Variants in PSMA1 observed in about 807,000 individuals in gnomAD.
PSMA1 encodes the protein proteasome 20S subunit alpha 1, also known as proteasome subunit alpha type-1.
Under a neutral mutation model 38.4 loss-of-function variants are expected in PSMA1, and 3 were observed. The ratio of observed to expected loss-of-function variants is 0.08; its 90% confidence interval spans 0.04 to 0.20. The LOEUF is 0.20. Among genes scored for constraint, PSMA1 ranks in the 10% least tolerant of loss-of-function variants. The pLI is 1.00. For synonymous variants in PSMA1, 101 were observed against 107.1 expected (o/e 0.94, Z 0.35); for missense variants, 227 against 325.3 (o/e 0.70, Z 2.32).
chr11:14,572,616 A>G (rs1350499709), intron 2 of PSMA1, among the ~76,000 whole-genome samples: 2 of 152,234 alleles, frequency 1.3e-5, no homozygotes, highest in African/African-American at 2.4e-5. Context: ...TAGAGAAGCA[A>G]GAGCAAACAC....
upstream of PSMA1, chr11:14,520,473 T>A: frequency 4.0e-6 from 6 of 1,504,026 alleles, no homozygotes; most frequent in Non-Finnish European, 5.3e-6. Context: ...TCCCCCTCCT[T>A]AAAACTTTCC....
chr11:14,638,280 G>C (rs1853135834), intron 1 of PSMA1, among the ~76,000 whole-genome samples: 1 of 151,936 alleles, frequency 6.6e-6, no homozygotes, highest in African/African-American at 2.4e-5. Flanking sequence ...CACACACGAA[G>C]TCACATTATT....
intron 2 of PSMA1, among the ~76,000 whole-genome samples, chr11:14,559,664 G>T (rs1243504083): frequency 2.0e-5 from 3 of 152,218 alleles, no homozygotes; most frequent in African/African-American, 7.2e-5. Context: ...TGTCCATGCT[G>T]CTGGTGAGGT....
intron 2 of PSMA1, among the ~76,000 whole-genome samples, chr11:14,582,266 C>T (rs1230481016): frequency 6.6e-6 from 1 of 152,054 alleles, no homozygotes; most frequent in Non-Finnish European, 1.5e-5. Context: ...AGGTTCTTTA[C>T]TTCTTAGATC....
intron 2 of PSMA1, among the ~76,000 whole-genome samples, chr11:14,584,379 A>G (rs894047834): frequency 1.4e-4 from 21 of 152,046 alleles, no homozygotes; most frequent in African/African-American, 4.4e-4. Context: ...AATATTTCAC[A>G]TATTTCCCTT....
chr11:14,505,115 G>T lies in PSMA1; in HGVS notation c.*77C>A. On this transcript the variant is annotated 3_prime_UTR_variant, in exon 10 of 10. Transcript: ENST00000396394. ...ACCACTCTGCAACTTTTGGTTCAAAGTATAGATTATTGTCATCAGTATGTG... is the reference window on the plus strand; with the variant it reads ...ACCACTCTGCAACTTTTGGTTCAAATTATAGATTATTGTCATCAGTATGTG... The T allele has an allele frequency of 7.4e-7, 1 of 1,352,068 alleles. No individual in the cohort carries two copies. Among genetic ancestry groups the T allele is most frequent in the Non-Finnish European group, 1.1e-6 (1 of 943,908 alleles). 83.8% of individuals were successfully genotyped at this position (1,352,068 alleles called of 1,614,324 possible). A position where few individuals can be genotyped will look rare whatever the true frequency, so the allele number is the denominator to read the frequency against.
intron 1 of PSMA1, among the ~76,000 whole-genome samples, chr11:14,629,543 C>CAGTA (rs1852970474): frequency 6.6e-6 from 1 of 151,934 alleles, no homozygotes; most frequent in Non-Finnish European, 1.5e-5. Flanking sequence ...GTTTTGGTAC[C>CAGTA]AGTACCATGC....
At chr11:14,549,700 C>CAA (rs369153742) in intron 2 of PSMA1, among the ~76,000 whole-genome samples, 6 of 74,484 alleles carry the variant, frequency 8.1e-5, no homozygotes, top group Admixed American at 4.4e-4. Context: ...GACTCCATCT[C>CAA]AAAAAAAAAA....
intron 2 of PSMA1, among the ~76,000 whole-genome samples, chr11:14,543,225 C>T (rs1851792023): frequency 6.6e-6 from 1 of 152,118 alleles, no homozygotes; most frequent in Non-Finnish European, 1.5e-5. Context: ...GAGCCAGGTG[C>T]AGTGGTATGT....
At chr11:14,558,192 T>A in intron 2 of PSMA1, among the ~76,000 whole-genome samples, 1 of 139,444 alleles carries the variant, frequency 7.2e-6, no homozygotes, top group East Asian at 2.1e-4. Flanking sequence ...GTGGGGGGAC[T>A]GCTTAAGGAC....
intron 2 of PSMA1, among the ~76,000 whole-genome samples, chr11:14,578,466 G>A (rs1317894333): frequency 6.6e-6 from 1 of 152,196 alleles, no homozygotes; most frequent in Non-Finnish European, 1.5e-5. Context: ...GTTATTACTT[G>A]TGTTCATCTG....
intron 9 of PSMA1, among the ~76,000 whole-genome samples, chr11:14,505,880 C>A (rs1851236338): frequency 6.6e-6 from 1 of 152,016 alleles, no homozygotes; most frequent in African/African-American, 2.4e-5. Context: ...GTGGCACACA[C>A]CTGTAGTTTC....
upstream of PSMA1, among the ~76,000 whole-genome samples, chr11:14,523,062 C>T (rs571101998): frequency 1.3e-5 from 2 of 152,234 alleles, no homozygotes; most frequent in African/African-American, 4.8e-5. Context: ...TGGGGCTTTG[C>T]GATACATCCT....
chr11:14,526,291 G>A (rs1018804475), intron 2 of PSMA1, among the ~76,000 whole-genome samples: 1 of 152,078 alleles, frequency 6.6e-6, no homozygotes, highest in South Asian at 2.1e-4. Flanking sequence ...TCTGTTCCTC[G>A]AAGACAGCTT....
intron 2 of PSMA1, among the ~76,000 whole-genome samples, chr11:14,608,135 G>A (rs932667638): frequency 1.3e-5 from 2 of 152,086 alleles, no homozygotes; most frequent in Non-Finnish European, 2.9e-5. Context: ...AAGGATCACT[G>A]AGGCCAGGAG....
intron 2 of PSMA1, among the ~76,000 whole-genome samples, chr11:14,581,708 G>C (rs1207815824): frequency 6.6e-6 from 1 of 152,122 alleles, no homozygotes; most frequent in Non-Finnish European, 1.5e-5. Context: ...TTATTGATTT[G>C]TCTGTCTGAA....
chr11:14,543,005 G>A (rs186137248), intron 2 of PSMA1, among the ~76,000 whole-genome samples: 4 of 152,040 alleles, frequency 2.6e-5, no homozygotes, highest in Admixed American at 1.3e-4. Flanking sequence ...ATAGGTGCCC[G>A]CCACCACACC....
intron 1 of PSMA1, among the ~76,000 whole-genome samples, chr11:14,630,786 A>G (rs1230298028): frequency 1.3e-5 from 2 of 152,072 alleles, no homozygotes; most frequent in African/African-American, 4.8e-5. Context: ...CTGTGAATCC[A>G]TCTGGTCCTG....
At chr11:14,519,970 C>G (rs1851500054) in intron 1 of PSMA1, 2 of 401,752 alleles carry the variant, frequency 5.0e-6, no homozygotes, top group Non-Finnish European at 9.1e-6. Context: ...CTTCTCCTCT[C>G]CCATACACAG....
Sources: allele counts gnomAD v4.1 joint callset (sites outside exome capture counted in the v4.1 genomes callset), GRCh38; gene constraint gnomAD v4.1.1; transcripts MANE v1.5; gene names NCBI Gene and HGNC (gene_info 2026-07-23, HGNC 2026-07-21).